Variants in NRXN1 observed in about 807,000 individuals in gnomAD.
The protein encoded by NRXN1 is neurexin 1.
NRXN1 carries 39 observed loss-of-function variants against 150.9 expected under a neutral mutation model. That is an observed-to-expected ratio of 0.26 (90% CI 0.20 to 0.34). NRXN1 has a LOEUF of 0.34. Among genes scored for constraint, NRXN1 ranks in the 10% least tolerant of loss-of-function variants. NRXN1 has a pLI of 1.00. For missense variants in NRXN1, 1,815 were observed against 1,949.9 expected, an observed-to-expected ratio of 0.93 and a Z score of 1.30; for synonymous variants, 924 against 757.0, an observed-to-expected ratio of 1.22 and a Z score of -3.62.
chr2:50,296,841 C>A (rs76142472), intron 17 of NRXN1, among the ~76,000 whole-genome samples: 1 of 150,666 alleles, frequency 6.6e-6, no homozygotes, highest in Non-Finnish European at 1.5e-5. Context: ...TGGCCTCCAC[C>A]TCCATCTATG....
rs147013902 is a variant in NRXN1, at chr2:50,351,263, C to T, written c.3364+114179G>A. 1.9e-3 allele frequency among the ~76,000 whole-genome samples: 287 copies of T among 152,192 alleles called. 1 individual carries two copies. The highest frequency in any genetic ancestry group is 6.5e-3 in the African/African-American group (272 of 41,528). ...CTAAAAAAATTCAGCACAGACAGTG[C>T]GATGTAAGTGTTTCTTAACGCTGTC... On this transcript the variant is annotated intron_variant, in intron 17 of 22. Coordinates refer to ENST00000401669, the MANE Select transcript of NRXN1 (RefSeq NM_001330078.2).
chr2:49,947,818 A>G (rs1199846470), intron 21 of NRXN1, among the ~76,000 whole-genome samples: 1 of 152,038 alleles, frequency 6.6e-6, no homozygotes, highest in African/African-American at 2.4e-5. Context: ...AATAGTATCT[A>G]TTGTTACAAG....
chr2:50,539,729 A>T (rs1298202974), intron 9 of NRXN1, among the ~76,000 whole-genome samples: 1 of 152,168 alleles, frequency 6.6e-6, no homozygotes, highest in Admixed American at 6.5e-5. Flanking sequence ...GGATAGGAAG[A>T]GTCTGATGAG....
chr2:50,752,774 GA>G (rs1426791165), intron 5 of NRXN1, among the ~76,000 whole-genome samples: 1 of 151,518 alleles, frequency 6.6e-6, no homozygotes, highest in East Asian at 1.9e-4. Context: ...CAGAGGCATT[GA>G]AAATCCAGGG....
intron 21 of NRXN1, among the ~76,000 whole-genome samples, chr2:49,950,028 C>T (rs1673646277): frequency 6.6e-6 from 1 of 151,710 alleles, no homozygotes; most frequent in East Asian, 1.9e-4. Flanking sequence ...ATTAGTATCA[C>T]AAATTCCCAA....
intron 5 of NRXN1, among the ~76,000 whole-genome samples, chr2:50,736,161 C>T (rs1418094085): frequency 1.3e-5 from 2 of 152,184 alleles, no homozygotes; most frequent in Non-Finnish European, 2.9e-5. Context: ...TTCCATTCTC[C>T]CAGCTCCATT....
chr2:50,537,577 G>C (rs2093292140), intron 10 of NRXN1, among the ~76,000 whole-genome samples: 1 of 152,142 alleles, frequency 6.6e-6, no homozygotes, highest in Non-Finnish European at 1.5e-5. Context: ...GAAAAAGAGA[G>C]GCAGCACCTG....
chr2:50,181,314 CAA>C (rs5831096), intron 18 of NRXN1, among the ~76,000 whole-genome samples: 11 of 150,418 alleles, frequency 7.3e-5, no homozygotes, highest in East Asian at 5.9e-4. Context: ...TCCTCTGAGG[CAA>C]AAAAAAAATA....
At chr2:50,431,409 G>T (rs1036561536) in intron 17 of NRXN1, among the ~76,000 whole-genome samples, 3 of 152,134 alleles carry the variant, frequency 2.0e-5, no homozygotes, top group Admixed American at 6.5e-5. Flanking sequence ...TTCTTATTTG[G>T]TATGCTCCAT....
chr2:50,067,975 G>T (rs1695614266), intron 19 of NRXN1, among the ~76,000 whole-genome samples: 1 of 152,024 alleles, frequency 6.6e-6, no homozygotes, highest in Non-Finnish European at 1.5e-5. Flanking sequence ...TTTTAATCTA[G>T]TCTTCTTAAT....
At chr2:50,302,396 T>A (rs17040451) in intron 17 of NRXN1, among the ~76,000 whole-genome samples, 28,864 of 152,130 alleles carry the variant, frequency 0.19, 2,951 homozygotes, top group East Asian at 0.4. Context: ...TAATACATAA[T>A]GGGAGCAAAT....
At chr2:50,801,827 T>C (rs1707639612) in intron 5 of NRXN1, among the ~76,000 whole-genome samples, 1 of 152,182 alleles carries the variant, frequency 6.6e-6, no homozygotes, top group Admixed American at 6.5e-5. Flanking sequence ...GATATAACTT[T>C]TGAAGCAATG....
intron 5 of NRXN1, among the ~76,000 whole-genome samples, chr2:50,660,969 T>C (rs996074466): frequency 1.3e-5 from 2 of 152,044 alleles, no homozygotes; most frequent in East Asian, 3.9e-4. Flanking sequence ...TAAAATATCA[T>C]TGCAAGTTCT....
intron 2 of NRXN1, among the ~76,000 whole-genome samples, chr2:50,931,072 C>T (rs947743305): frequency 2.6e-5 from 4 of 152,058 alleles, no homozygotes; most frequent in African/African-American, 7.2e-5. Flanking sequence ...CAGGAGACAT[C>T]CTTTGGCCTG....
chr2:50,881,878 G>T (rs1032078192), intron 5 of NRXN1, among the ~76,000 whole-genome samples: 1 of 151,600 alleles, frequency 6.6e-6, no homozygotes, highest in African/African-American at 2.4e-5. Context: ...AATGGAGTTT[G>T]CCAGCTGAGA....
intron 5 of NRXN1, among the ~76,000 whole-genome samples, chr2:50,816,064 T>C (rs932508416): frequency 6.6e-6 from 1 of 152,208 alleles, no homozygotes; most frequent in Non-Finnish European, 1.5e-5. Flanking sequence ...AACACTTGAA[T>C]ATCAATATTA....
intron 5 of NRXN1, among the ~76,000 whole-genome samples, chr2:50,824,120 C>T (rs1670112027): frequency 6.6e-6 from 1 of 151,994 alleles, no homozygotes; most frequent in African/African-American, 2.4e-5. Flanking sequence ...GTGGCTGTGC[C>T]ACCAAACTAC....
intron 5 of NRXN1, among the ~76,000 whole-genome samples, chr2:50,815,206 T>G (rs1324447589): frequency 6.6e-6 from 1 of 152,106 alleles, no homozygotes; most frequent in Admixed American, 6.6e-5. Context: ...TTTGAAACCT[T>G]CTCATTTAAA....
At chr2:50,358,357 A>C (rs1302407319) in intron 17 of NRXN1, among the ~76,000 whole-genome samples, 1 of 152,226 alleles carries the variant, frequency 6.6e-6, no homozygotes, top group Non-Finnish European at 1.5e-5. Context: ...CCAGCACAGC[A>C]GCCTGAAGTC....
Sources: gnomAD v4.1 joint callset for allele counts (sites outside exome capture counted in the v4.1 genomes callset) on GRCh38, gnomAD v4.1.1 for gene constraint, MANE v1.5 for transcripts, NCBI Gene and HGNC (gene_info 2026-07-23, HGNC 2026-07-21) for gene names.